Variants in AKR1C3 observed in about 807,000 individuals in gnomAD.
AKR1C3 encodes aldo-keto reductase family 1 member C3.
A neutral mutation model predicts 43.6 loss-of-function variants in AKR1C3; 48 were observed. That is an observed-to-expected ratio of 1.10 (90% CI 0.87 to 1.40). The LOEUF is 1.40. Ranked by LOEUF, AKR1C3 falls within the 40% of genes most tolerant of loss-of-function variation. The probability of loss-of-function intolerance (pLI) is 0.00; values close to 1 mark genes in which losing one functional copy is unlikely to be tolerated. For missense variants in AKR1C3, 482 were observed against 391.2 expected (o/e 1.23, Z -1.96); for synonymous variants, 162 against 139.6 (o/e 1.16, Z -1.13).
intron 3 of AKR1C3, 51 bp downstream of exon 3, chr10:5,097,601 ATTGT>A (rs1264728972): frequency 2.0e-5 from 33 of 1,610,636 alleles, no homozygotes; most frequent in Non-Finnish European, 2.7e-5. Flanking sequence ...CATTATAAAC[ATTGT>A]TTATCTGGAT....
chr10:5,087,058 A>T (rs11252930), intron 1 of AKR1C3, among the ~76,000 whole-genome samples: 4 of 151,978 alleles, frequency 2.6e-5, no homozygotes, highest in African/African-American at 9.7e-5. Context: ...GAGCATTTAG[A>T]CCATTTACAT....
At chr10:5,105,566 AAAT>A (rs1362935493) in intron 7 of AKR1C3, 26 bp from the exon 8 acceptor site, 3 of 1,574,650 alleles carry the variant, frequency 1.9e-6, no homozygotes, top group South Asian at 1.1e-5. Flanking sequence ...GGCAATCTAA[AAAT>A]AATAAAAGTT....
chr10:5,053,685 C>A (rs1480369870), intron 1 of AKR1C3, among the ~76,000 whole-genome samples: 4 of 152,220 alleles, frequency 2.6e-5, no homozygotes, highest in South Asian at 2.1e-4. Context: ...AAACAGGACA[C>A]CCTAACTGCT....
At chr10:5,053,263 T>C (rs1232042890) in intron 1 of AKR1C3, among the ~76,000 whole-genome samples, 2 of 152,142 alleles carry the variant, frequency 1.3e-5, no homozygotes, top group Non-Finnish European at 2.9e-5. Flanking sequence ...TCAGGCATGG[T>C]GGGCTGCAGG....
intron 1 of AKR1C3, among the ~76,000 whole-genome samples, chr10:5,053,092 TC>T: frequency 6.6e-6 from 1 of 152,350 alleles, no homozygotes; most frequent in African/African-American, 2.4e-5. Context: ...ACCCAGTGGA[TC>T]CCATGCTGGG....
At chr10:5,081,114 A>T (rs1208503276) in intron 1 of AKR1C3, among the ~76,000 whole-genome samples, 1 of 152,202 alleles carries the variant, frequency 6.6e-6, no homozygotes, top group Admixed American at 6.5e-5. Context: ...ATCTGTTGGA[A>T]TGCAGGATCT....
chr10:5,081,291 A>G (rs1328352442), intron 1 of AKR1C3, among the ~76,000 whole-genome samples: 4 of 152,060 alleles, frequency 2.6e-5, no homozygotes, highest in Non-Finnish European at 4.4e-5. Context: ...TGATTTTGCT[A>G]AAAACCTAGA....
intron 1 of AKR1C3, among the ~76,000 whole-genome samples, chr10:5,095,633 A>G (rs374203717): frequency 5.5e-4 from 84 of 152,250 alleles, no homozygotes; most frequent in African/African-American, 1.9e-3. Flanking sequence ...TACCTTTCAA[A>G]TCTTTATCCA....
In AKR1C3 at chr10:5,048,844, T is replaced by G; in HGVS notation, c.33T>G (p.Asn11Lys). ...CAAAACATCAGTGTTTGAAGCTAAA[T>G]GATGGTCACTTCATGCCTGTCCTGG... Residue 11 changes from asparagine (N) to lysine (K), a missense_variant, in exon 1 of 9, where the codon AAT becomes AAG. Coordinates refer to the AKR1C3 transcript ENST00000439082. 1.9e-6 allele frequency: 3 copies of G among 1,614,008 alleles called. No homozygotes were observed. The South Asian group carries it at 3.3e-5, about 18-fold the overall frequency.
At chr10:5,088,072 T>G (rs367762803) in intron 1 of AKR1C3, among the ~76,000 whole-genome samples, 1 of 152,236 alleles carries the variant, frequency 6.6e-6, no homozygotes, top group South Asian at 2.1e-4. Context: ...ATTTCATTCT[T>G]TACCCAAAAG....
chr10:5,095,357 A>C (rs948511511), intron 1 of AKR1C3, among the ~76,000 whole-genome samples: 1 of 152,092 alleles, frequency 6.6e-6, no homozygotes, highest in Non-Finnish European at 1.5e-5. Flanking sequence ...ACCAGTGACA[A>C]AAGTGGTTTA....
At chr10:5,056,042 G>T (rs1254193399) in intron 1 of AKR1C3, among the ~76,000 whole-genome samples, 1 of 152,182 alleles carries the variant, frequency 6.6e-6, no homozygotes, top group African/African-American at 2.4e-5. Context: ...TAGACACCTT[G>T]TAACCTTGAT....
upstream of AKR1C3, among the ~76,000 whole-genome samples, chr10:5,091,792 A>G (rs2131831030): frequency 6.6e-6 from 1 of 152,290 alleles, no homozygotes; most frequent in South Asian, 2.1e-4. Flanking sequence ...ACTTACTTGT[A>G]CACATTTGTA....
chr10:5,085,340 GT>G (rs1838938370), intron 1 of AKR1C3, among the ~76,000 whole-genome samples: 1 of 151,772 alleles, frequency 6.6e-6, no homozygotes, highest in African/African-American at 2.4e-5. Context: ...TAATCATGTG[GT>G]TTTTGTCTTT....
chr10:5,098,591 T>C (rs1461164747), intron 3 of AKR1C3, among the ~76,000 whole-genome samples: 2 of 152,260 alleles, frequency 1.3e-5, no homozygotes, highest in African/African-American at 2.4e-5. Flanking sequence ...TCCTTTTCCA[T>C]GCATATAATA....
At chr10:5,070,716 G>T (rs1396190171) in intron 1 of AKR1C3, among the ~76,000 whole-genome samples, 1 of 152,186 alleles carries the variant, frequency 6.6e-6, no homozygotes, top group Non-Finnish European at 1.5e-5. Flanking sequence ...AAGAGAGAGT[G>T]CTTGTCCCTT....
At chr10:5,078,069 CAG>C (rs1385488929) in intron 1 of AKR1C3, 5 of 625,468 alleles carry the variant, frequency 8.0e-6, no homozygotes, top group Admixed American at 3.0e-5. Context: ...ATTACAAAAA[CAG>C]AAAGCTATAA....
intron 4 of AKR1C3, 37 bp from the exon 5 acceptor site, chr10:5,099,290 C>T (rs781809395): frequency 1.5e-5 from 24 of 1,613,280 alleles, no homozygotes; most frequent in Middle Eastern, 3.4e-4. Context: ...TTGCAGCCAA[C>T]TGCACAAATA....
intron 1 of AKR1C3, among the ~76,000 whole-genome samples, chr10:5,058,443 G>T (rs892594223): frequency 6.6e-6 from 1 of 152,142 alleles, no homozygotes; most frequent in Non-Finnish European, 1.5e-5. Context: ...CTTTTTCAGG[G>T]TTTGTGGGTC....
Sources: gnomAD v4.1 joint callset for allele counts (sites outside exome capture counted in the v4.1 genomes callset) on GRCh38, gnomAD v4.1.1 for gene constraint, MANE v1.5 for transcripts, NCBI Gene and HGNC (gene_info 2026-07-23, HGNC 2026-07-21) for gene names.